The following SNX18 variants were observed in gnomAD, a reference collection of about 807,000 sequenced individuals.
SNX18 encodes the protein sorting nexin-18.
Under a neutral mutation model 48.7 loss-of-function variants are expected in SNX18, and 35 were observed. The ratio of observed to expected loss-of-function variants is 0.72; its 90% confidence interval spans 0.55 to 0.95. The LOEUF (loss-of-function observed/expected upper bound fraction) is 0.95. Among genes scored for constraint, SNX18 ranks in the 40% least tolerant of loss-of-function variants. The probability of loss-of-function intolerance (pLI) is 0.00; values close to 1 mark genes in which losing one functional copy is unlikely to be tolerated. For missense variants in SNX18, 824 were observed against 871.0 expected, an observed-to-expected ratio of 0.95 and a Z score of 0.68; for synonymous variants, 492 against 384.7, an observed-to-expected ratio of 1.28 and a Z score of -3.26.
chr5:54,584,948 G>T, the SNX18 span, among the ~76,000 whole-genome samples: 6 of 152,156 alleles, frequency 3.9e-5, no homozygotes, highest in Admixed American at 6.5e-5. Flanking sequence ...CTATGTGGCC[G>T]ACGTGTTTGC....
the SNX18 span, among the ~76,000 whole-genome samples, chr5:54,572,309 G>A: frequency 6.6e-6 from 1 of 152,140 alleles, no homozygotes; most frequent in Non-Finnish European, 1.5e-5. Context: ...TGTGACAGCA[G>A]GGATAAAATG....
chr5:54,588,124 C>T, the SNX18 span, among the ~76,000 whole-genome samples: 2 of 152,170 alleles, frequency 1.3e-5, no homozygotes, highest in South Asian at 4.1e-4. Context: ...CCCAAACACT[C>T]TCGTTTCATA....
At chr5:54,547,740 T>C (rs933830915), downstream of SNX18, among the ~76,000 whole-genome samples, 7 of 152,208 alleles carry the variant, frequency 4.6e-5, no homozygotes, top group African/African-American at 1.7e-4. Context: ...CTGTTTCCCC[T>C]TCTCTCCAAC....
chr5:54,607,863 G>GGCAGA, the SNX18 span, among the ~76,000 whole-genome samples: 1 of 152,138 alleles, frequency 6.6e-6, no homozygotes, highest in Non-Finnish European at 1.5e-5. Context: ...GAACCTGGGA[G>GGCAGA]GCAGAGTTTG....
the SNX18 span, among the ~76,000 whole-genome samples, chr5:54,614,434 G>A: frequency 6.6e-6 from 1 of 152,166 alleles, no homozygotes; most frequent in African/African-American, 2.4e-5. Context: ...TTAGTAATCT[G>A]TAATTATAGT....
the SNX18 span, among the ~76,000 whole-genome samples, chr5:54,621,359 T>C: frequency 3.3e-5 from 5 of 152,342 alleles, no homozygotes; most frequent in African/African-American, 9.6e-5. Flanking sequence ...TCTTGCCAAC[T>C]TGTGTCCCCA....
the SNX18 span, among the ~76,000 whole-genome samples, chr5:54,555,134 C>A: frequency 3.9e-5 from 6 of 152,218 alleles, no homozygotes; most frequent in Non-Finnish European, 7.3e-5. Flanking sequence ...CTGGCTGAAT[C>A]CTACTCCTCC....
the SNX18 span, among the ~76,000 whole-genome samples, chr5:54,578,786 T>C: frequency 1.3e-5 from 2 of 152,342 alleles, no homozygotes; most frequent in African/African-American, 4.8e-5. Flanking sequence ...CCTTCACTTC[T>C]GTGAGCCTAA....
the SNX18 span, among the ~76,000 whole-genome samples, chr5:54,580,127 G>A: frequency 6.6e-6 from 1 of 152,040 alleles, no homozygotes; most frequent in Non-Finnish European, 1.5e-5. Flanking sequence ...GACAGAGAGA[G>A]AGAAAGAGCA....
At chr5:54,549,580 C>T (rs1762623134), downstream of SNX18, among the ~76,000 whole-genome samples, 1 of 152,170 alleles carries the variant, frequency 6.6e-6, no homozygotes, top group Admixed American at 6.5e-5. Flanking sequence ...CCCTTGGTCT[C>T]CAAAAGCTAA....
the SNX18 span, among the ~76,000 whole-genome samples, chr5:54,630,753 G>A: frequency 2.0e-5 from 3 of 147,744 alleles, no homozygotes; most frequent in African/African-American, 5.0e-5. Flanking sequence ...AGAACCGCTT[G>A]AATCCAGGAG....
At chr5:54,582,738 G>A in the SNX18 span, among the ~76,000 whole-genome samples, 1 of 152,280 alleles carries the variant, frequency 6.6e-6, no homozygotes, top group African/African-American at 2.4e-5. Flanking sequence ...GCTGCAGTGA[G>A]CTACGGCAAC....
At chr5:54,550,511 A>G (rs1189301781), downstream of SNX18, among the ~76,000 whole-genome samples, 1 of 152,234 alleles carries the variant, frequency 6.6e-6, no homozygotes, top group Non-Finnish European at 1.5e-5. Flanking sequence ...AAATGAAAAA[A>G]AGAGGCAGAG....
the SNX18 span, among the ~76,000 whole-genome samples, chr5:54,561,044 ATTTG>A: frequency 2.0e-5 from 3 of 152,080 alleles, no homozygotes; most frequent in African/African-American, 7.2e-5. Flanking sequence ...TTCTGTGTCC[ATTTG>A]TTTATTTGTT....
chr5:54,594,185 T>C, the SNX18 span, among the ~76,000 whole-genome samples: 1 of 152,242 alleles, frequency 6.6e-6, no homozygotes. Context: ...TTACAGGCTA[T>C]ATTATTTCAT....
chr5:54,527,521 CA>C lies in SNX18; in HGVS notation c.1621+7949del, dbSNP rs1673826953. Among the ~76,000 whole-genome samples, 2 of 152,194 alleles carry C rather than the reference CA, an allele frequency of 1.3e-5. 1 individual carries two copies. The highest frequency in any genetic ancestry group is 1.3e-4 in the Admixed American group (2 of 15,284). On this transcript the variant is annotated intron_variant, in intron 1 of 1. Coordinates refer to ENST00000381410, the MANE Select transcript of SNX18 (RefSeq NM_001102575.2). ...TGGCCTACAATAAGAATTGTCAGAA[CA>C]GGGGTGGGGAGCAGCAATCAGGAAT...
the SNX18 span, among the ~76,000 whole-genome samples, chr5:54,614,191 A>T: frequency 3.3e-5 from 5 of 152,350 alleles, no homozygotes; most frequent in Middle Eastern, 3.4e-3. Flanking sequence ...CATGGTTCTC[A>T]AAGACTTAGG....
chr5:54,543,188 C>A lies in SNX18; in HGVS notation c.1631C>A (p.Thr544Asn). 3 of 1,613,010 alleles carry A rather than the reference C, an allele frequency of 1.9e-6. No individual in the cohort carries two copies. The highest frequency in any genetic ancestry group is 2.5e-6 in the Non-Finnish European group (3 of 1,179,540). ...TTATTTTTAACTACAGGAGCTCTTA[C>A]CAAAGTCAAGGAGAGTAGGCGACAC... is the stretch of plus-strand genomic sequence containing the variant. ...DIIHVQKGAL[T>N]KVKESRRHVE... The change falls in exon 2 of 2, where the codon ACC (threonine) becomes AAC (asparagine). Residue 544 changes from threonine (T) to asparagine (N), a missense_variant. Thr to Asn is a moderately conservative substitution (Grantham distance 65). Transcript: ENST00000381410.
At chr5:54,593,707 A>G in the SNX18 span, among the ~76,000 whole-genome samples, 1 of 152,214 alleles carries the variant, frequency 6.6e-6, no homozygotes, top group Non-Finnish European at 1.5e-5. Flanking sequence ...TAGACTACTG[A>G]AAAAACTATT....
Sources: allele counts gnomAD v4.1 joint callset (sites outside exome capture counted in the v4.1 genomes callset), GRCh38; gene constraint gnomAD v4.1.1; transcripts MANE v1.5; gene names NCBI Gene and HGNC (gene_info 2026-07-23, HGNC 2026-07-21).